The following FBRSL1 variants were observed in gnomAD, a reference collection of about 807,000 sequenced individuals.
The protein encoded by FBRSL1 is fibrosin like 1.
In FBRSL1, 51 loss-of-function variants were observed where a neutral mutation model predicts 89.6. The ratio of observed to expected loss-of-function variants is 0.57; its 90% CI spans 0.45 to 0.72. The LOEUF (loss-of-function observed/expected upper bound fraction) is 0.72, where lower values mean the gene tolerates loss of function less well. Among genes scored for constraint, FBRSL1 ranks in the 30% least tolerant of loss-of-function variants. The pLI, the probability that FBRSL1 is intolerant of heterozygous loss-of-function variation, is 0.00. For synonymous variants in FBRSL1, 779 were observed against 681.1 expected, an observed-to-expected ratio of 1.14 and a Z score of -2.24; for missense variants, 1,618 against 1,451.8, an observed-to-expected ratio of 1.11 and a Z score of -1.86.
At chr12:132,535,647 C>T (rs1278303804) in intron 4 of FBRSL1, among the ~76,000 whole-genome samples, 2 of 152,264 alleles carry the variant, frequency 1.3e-5, no homozygotes, top group Non-Finnish European at 2.9e-5. Context: ...GTGGGTGCCC[C>T]AAGCACACTA....
chr12:132,551,263 G>T (rs1425380648), intron 5 of FBRSL1: 3 of 386,816 alleles, frequency 7.8e-6, no homozygotes, highest in Non-Finnish European at 1.6e-5. Flanking sequence ...GTCCCCGAGT[G>T]CCCACATTTA....
intron 1 of FBRSL1, among the ~76,000 whole-genome samples, chr12:132,494,333 A>G (rs1396542736): frequency 6.6e-6 from 1 of 152,200 alleles, no homozygotes; most frequent in Non-Finnish European, 1.5e-5. Flanking sequence ...TCCTCCCAAG[A>G]AGACTGGGGT....
At chr12:132,540,786 C>G (rs924797453) in intron 4 of FBRSL1, among the ~76,000 whole-genome samples, 3 of 152,208 alleles carry the variant, frequency 2.0e-5, no homozygotes, top group African/African-American at 7.2e-5. Context: ...CAGGAGGACT[C>G]CCAGCCCCAC....
chr12:132,576,208 C>CTTTTTTTTTTT, intron 14 of FBRSL1, among the ~76,000 whole-genome samples: 1 of 146,792 alleles, frequency 6.8e-6, no homozygotes, highest in African/African-American at 2.5e-5. Context: ...TTTTTTTTTT[C>CTTTTTTTTTTT]TTGAGATAGA....
chr12:132,579,015 C>T (rs2040569933), intron 15 of FBRSL1, among the ~76,000 whole-genome samples: 1 of 152,200 alleles, frequency 6.6e-6, no homozygotes, highest in Admixed American at 6.5e-5. Context: ...CTGGGCCCTC[C>T]ACACTGCCCG....
intron 18 of FBRSL1, among the ~76,000 whole-genome samples, 162 bp downstream of exon 18, chr12:132,582,428 C>CTGTTCCCCTTCCCCGTTGCCCCTCCCCCT (rs201086815): frequency 6.7e-6 from 1 of 150,228 alleles, no homozygotes; most frequent in East Asian, 2.0e-4. Context: ...CCCCCTCCCC[C>CTGTTCCCCTTCCCCGTTGCCCCTCCCCCT]ATTCCCTCTC....
chr12:132,550,783 C>G (rs537085222), intron 5 of FBRSL1: 1 of 155,596 alleles, frequency 6.4e-6, no homozygotes, highest in African/African-American at 2.4e-5. Context: ...CCAGACGTCT[C>G]CGTTTCCCCA....
At chr12:132,544,988 T>C (rs1163990317) in intron 4 of FBRSL1, among the ~76,000 whole-genome samples, 1 of 152,196 alleles carries the variant, frequency 6.6e-6, no homozygotes, top group Non-Finnish European at 1.5e-5. Context: ...TCCTATGAGC[T>C]GTAAGGGACA....
intron 5 of FBRSL1, among the ~76,000 whole-genome samples, chr12:132,555,885 G>A (rs544208503): frequency 1.1e-4 from 17 of 152,252 alleles, no homozygotes; most frequent in African/African-American, 3.6e-4. Flanking sequence ...CTTTCTCCCC[G>A]CAGGCACTCG....
chr12:132,583,869 C>T lies in FBRSL1; in HGVS notation c.*91C>T. On this transcript the variant is annotated 3_prime_UTR_variant, in exon 19 of 19. Coordinates refer to ENST00000680143, the MANE Select transcript of FBRSL1 (RefSeq NM_001367871.1). The stretch of plus-strand genomic sequence containing the variant: ...AACTCAAGCACAGCTCCCGCCGATC[C>T]TGGGGCGGCGCCGCCTCTCCACCCG... The T allele has an allele frequency of 2.6e-6, 2 of 771,318 alleles. No homozygotes were observed. The highest frequency in any genetic ancestry group is 3.3e-6 in the Non-Finnish European group (2 of 603,146). 47.8% of individuals were successfully genotyped at this position (771,318 alleles called of 1,614,324 possible).
At chr12:132,568,106 C>T (rs4883554) in intron 6 of FBRSL1, among the ~76,000 whole-genome samples, 35,311 of 148,626 alleles carry the variant, frequency 0.24, 4,855 homozygotes, top group South Asian at 0.32. Flanking sequence ...GGGGTGTCCA[C>T]GGGCCAGCAA....
chr12:132,575,222 T>G (rs1021886974), intron 14 of FBRSL1, among the ~76,000 whole-genome samples: 1 of 151,852 alleles, frequency 6.6e-6, no homozygotes, highest in Non-Finnish European at 1.5e-5. Context: ...CAGAGCAGAA[T>G]GCTGTATGTC....
rs573948190 is a variant in FBRSL1, at chr12:132,584,914, C to T, written c.*1136C>T. The T allele has an allele frequency of 1.3e-5, 2 of 152,234 alleles. No homozygotes were observed. The highest frequency in any genetic ancestry group is 1.5e-5 in the Non-Finnish European group (1 of 68,088). The allele number at this position is 152,234 out of a possible 1,614,324, so 9.4% of individuals were successfully genotyped here. The stretch of plus-strand genomic sequence containing the variant: ...CAGCGTCACCTCGGTGTGGTCGTCG[C>T]CTCCCAGGCCCTTGGCCTGGCCTCC... On this transcript the variant is annotated 3_prime_UTR_variant, in exon 19 of 19. Transcript: ENST00000680143.
chr12:132,549,292 C>T (rs888899280), intron 5 of FBRSL1, among the ~76,000 whole-genome samples: 8 of 152,288 alleles, frequency 5.3e-5, no homozygotes, highest in South Asian at 4.1e-4. Context: ...TCTCCTCGCC[C>T]GTCCGCAGAT....
chr12:132,548,326 G>A (rs2037868941), intron 5 of FBRSL1, among the ~76,000 whole-genome samples: 1 of 152,150 alleles, frequency 6.6e-6, no homozygotes, highest in East Asian at 1.9e-4. Flanking sequence ...GCTGCCATGG[G>A]GTCGAGCACA....
At chr12:132,500,311 G>A (rs556032595) in intron 1 of FBRSL1, among the ~76,000 whole-genome samples, 119 of 152,296 alleles carry the variant, frequency 7.8e-4, no homozygotes, top group African/African-American at 2.8e-3. Context: ...TGTGGGTGCT[G>A]TGCTGTCCCC....
At chr12:132,572,122 G>A (rs947139829) in intron 9 of FBRSL1, 166 bp from the exon 10 acceptor site, 10 of 623,062 alleles carry the variant, frequency 1.6e-5, no homozygotes, top group African/African-American at 3.7e-5. Context: ...GTTCAGAGCC[G>A]TGGGGCTGGC....
At chr12:132,526,209 A>G (rs1424181159) in intron 3 of FBRSL1, among the ~76,000 whole-genome samples, 1 of 152,252 alleles carries the variant, frequency 6.6e-6, no homozygotes, top group African/African-American at 2.4e-5. Context: ...GGTGGAGGGC[A>G]GGCGGACGGC....
At chr12:132,581,880 C>T in intron 17 of FBRSL1, 56 bp downstream of exon 17, 1 of 1,456,398 alleles carries the variant, frequency 6.9e-7, no homozygotes. Flanking sequence ...TCCCCCATGC[C>T]TGTGTCCTCT....
Sources: gnomAD v4.1 joint callset for allele counts (sites outside exome capture counted in the v4.1 genomes callset) on GRCh38, gnomAD v4.1.1 for gene constraint, MANE v1.5 for transcripts, NCBI Gene and HGNC (gene_info 2026-07-23, HGNC 2026-07-21) for gene names.